Variants in HS3ST4 observed in about 807,000 individuals in gnomAD.
HS3ST4 encodes heparan sulfate glucosamine 3-O-sulfotransferase 4.
HS3ST4 carries 17 observed loss-of-function variants against 29.2 expected under a neutral mutation model. That is an observed-to-expected ratio of 0.58 (90% CI 0.40 to 0.87). The LOEUF (loss-of-function observed/expected upper bound fraction) is 0.87. HS3ST4 is among the 40% of genes least tolerant of loss of function. HS3ST4 has a pLI of 0.00. For synonymous variants in HS3ST4, 314 were observed against 285.7 expected, an observed-to-expected ratio of 1.10 and a Z score of -1.00; for missense variants, 627 against 634.5, an observed-to-expected ratio of 0.99 and a Z score of 0.13.
chr16:26,081,762 C>T (rs1420479187), intron 1 of HS3ST4, among the ~76,000 whole-genome samples: 1 of 150,530 alleles, frequency 6.6e-6, no homozygotes, highest in African/African-American at 2.4e-5. Context: ...AGAGGTAGAC[C>T]CCATGTACTT....
chr16:25,728,002 T>C (rs956155179), intron 1 of HS3ST4, among the ~76,000 whole-genome samples: 6 of 152,274 alleles, frequency 3.9e-5, no homozygotes, highest in Admixed American at 2.0e-4. Context: ...ATTACTATTA[T>C]TAATATATAG....
intron 1 of HS3ST4, among the ~76,000 whole-genome samples, chr16:25,723,615 A>C (rs1252015433): frequency 1.3e-5 from 2 of 152,210 alleles, no homozygotes; most frequent in East Asian, 1.9e-4. Flanking sequence ...ATCTGAAAGA[A>C]TGGATTTGTC....
intron 1 of HS3ST4, among the ~76,000 whole-genome samples, chr16:25,942,266 T>C (rs192207920): frequency 6.6e-6 from 1 of 152,274 alleles, no homozygotes; most frequent in Admixed American, 6.5e-5. Flanking sequence ...ATGAATGATA[T>C]AAAGAGTGGA....
At chr16:25,800,511 C>T (rs1966923009) in intron 1 of HS3ST4, among the ~76,000 whole-genome samples, 1 of 151,788 alleles carries the variant, frequency 6.6e-6, no homozygotes, top group African/African-American at 2.4e-5. Context: ...CAATACATGG[C>T]AGTTGGAATA....
At chr16:25,973,014 G>T (rs1214171584) in intron 1 of HS3ST4, among the ~76,000 whole-genome samples, 1 of 152,136 alleles carries the variant, frequency 6.6e-6, no homozygotes, top group Admixed American at 6.5e-5. Context: ...GGGATTATTA[G>T]AGGAATGACT....
At position 25,693,181 on chromosome 16, in the gene HS3ST4, A is replaced by G. The variant is rs566711998; in HGVS notation, c.734+30A>G. On this transcript the variant is annotated intron_variant, in intron 1 of 1. Transcript: ENST00000331351. ...GACCCTGGGCTCCGCGGGCTGGTGG[A>G]GACGCGTGGGGGAGACGCGGAGGGG... The G allele has an allele frequency of 2.7e-4, 421 of 1,532,456 alleles. 3 individuals carry two copies. The South Asian group carries it at 3.6e-3, about 13-fold the overall frequency. 94.9% of individuals were successfully genotyped at this position (1,532,456 alleles called of 1,614,324 possible).
intron 1 of HS3ST4, among the ~76,000 whole-genome samples, chr16:25,814,213 T>C (rs1389763214): frequency 6.6e-6 from 1 of 152,186 alleles, no homozygotes; most frequent in Non-Finnish European, 1.5e-5. Context: ...TGAATGTTAG[T>C]GTATGGAAAC....
Position 26,135,739 on chromosome 16 carries a change from A to C in HS3ST4, c.862A>C (p.Arg288=), listed in dbSNP as rs112306688. ...GGACATCAAACTGATTGTGGTGGTG[A>C]GAAACCCCGTGACCAGGGCCATCTC... ...AKDIKLIVVV[R]NPVTRAISDY... The change falls in exon 2 of 2, where the codon AGA becomes CGA. Residue 288 remains arginine, a synonymous_variant. Coordinates refer to ENST00000331351, the MANE Select transcript of HS3ST4 (RefSeq NM_006040.3). 4.3e-5 allele frequency: 70 copies of C among 1,614,150 alleles called. No homozygotes were observed. In the African/African-American group the frequency reaches 8.1e-4, roughly 19 times the overall value.
rs182673636 is a variant in HS3ST4, at chr16:25,764,299, T to C, written c.734+71148T>C. Among the ~76,000 whole-genome samples, 18 of 152,270 alleles carry C rather than the reference T, an allele frequency of 1.2e-4. No individual in the cohort carries two copies. The East Asian group carries it at 2.9e-3, about 25-fold the overall frequency. On this transcript the variant is annotated intron_variant, in intron 1 of 1. Transcript: ENST00000331351. ...AAAGAGAGGGTGAGAAAGGGCATAT[T>C]TGCACCTACTCTAGGGCAGACACAT...
At chr16:26,071,303 G>A (rs969803892) in intron 1 of HS3ST4, among the ~76,000 whole-genome samples, 1 of 152,130 alleles carries the variant, frequency 6.6e-6, no homozygotes, top group African/African-American at 2.4e-5. Context: ...TGGGGAAGCG[G>A]CTGTAGAAAT....
intron 1 of HS3ST4, among the ~76,000 whole-genome samples, chr16:25,852,298 ATTAATT>A (rs1421428237): frequency 6.6e-5 from 10 of 152,198 alleles, no homozygotes; most frequent in Non-Finnish European, 1.5e-4. Context: ...TTTTTAAAAA[ATTAATT>A]TTAATTATTT....
At chr16:26,055,094 G>A (rs762427857) in intron 1 of HS3ST4, among the ~76,000 whole-genome samples, 7 of 151,778 alleles carry the variant, frequency 4.6e-5, no homozygotes, top group African/African-American at 9.7e-5. Flanking sequence ...TCTTAAATTT[G>A]ATGAGTTGTT....
intron 1 of HS3ST4, among the ~76,000 whole-genome samples, chr16:25,694,012 G>A (rs1310715991): frequency 6.6e-6 from 1 of 152,160 alleles, no homozygotes; most frequent in Non-Finnish European, 1.5e-5. Context: ...ATTTTAAACG[G>A]CACTGGTGCA....
At chr16:25,918,696 T>TGCTGAG in intron 1 of HS3ST4, among the ~76,000 whole-genome samples, 1 of 152,224 alleles carries the variant, frequency 6.6e-6, no homozygotes, top group East Asian at 1.9e-4. Context: ...GATCTCAGAG[T>TGCTGAG]GCTGAGGCTG....
intron 1 of HS3ST4, among the ~76,000 whole-genome samples, chr16:26,014,798 A>G (rs1969347277): frequency 6.6e-6 from 1 of 152,128 alleles, no homozygotes; most frequent in Non-Finnish European, 1.5e-5. Flanking sequence ...TCACCATTTT[A>G]CACTTCTCAA....
At chr16:25,955,833 A>G (rs1372364092) in intron 1 of HS3ST4, among the ~76,000 whole-genome samples, 2 of 63,016 alleles carry the variant, frequency 3.2e-5, no homozygotes, top group African/African-American at 1.4e-4. Flanking sequence ...TTTTTTTTTT[A>G]AGTGGGAGTC....
intron 1 of HS3ST4, among the ~76,000 whole-genome samples, chr16:26,127,564 G>C (rs1192325815): frequency 6.6e-6 from 1 of 152,148 alleles, no homozygotes; most frequent in Non-Finnish European, 1.5e-5. Flanking sequence ...CCTGCCTCTA[G>C]TTCCATTCTG....
At chr16:25,884,999 G>T (rs1967935006) in intron 1 of HS3ST4, among the ~76,000 whole-genome samples, 1 of 152,166 alleles carries the variant, frequency 6.6e-6, no homozygotes, top group Admixed American at 6.5e-5. Flanking sequence ...GGGCAGTCAG[G>T]AAGGTTAGGA....
intron 1 of HS3ST4, among the ~76,000 whole-genome samples, chr16:25,945,345 A>G (rs949523937): frequency 2.6e-5 from 4 of 152,128 alleles, no homozygotes; most frequent in African/African-American, 4.8e-5. Context: ...TGCATTTTTC[A>G]TGATTGCATA....
Sources: allele counts gnomAD v4.1 joint callset (sites outside exome capture counted in the v4.1 genomes callset), GRCh38; gene constraint gnomAD v4.1.1; transcripts MANE v1.5; gene names NCBI Gene and HGNC (gene_info 2026-07-23, HGNC 2026-07-21).